MYO18B: variants seen among roughly 807,000 people sequenced by gnomAD.
The protein encoded by MYO18B is unconventional myosin-XVIIIb.
MYO18B carries 204 observed loss-of-function variants against 273.0 expected under a neutral mutation model. The ratio of observed to expected loss-of-function variants is 0.75; its 90% CI spans 0.67 to 0.84. MYO18B has a LOEUF of 0.84. Among genes scored for constraint, MYO18B ranks in the 40% least tolerant of loss-of-function variants. The probability of loss-of-function intolerance (pLI) is 0.00; values close to 1 mark genes in which losing one functional copy is unlikely to be tolerated. For synonymous variants in MYO18B, 1,330 were observed against 1,305.7 expected (o/e 1.02, Z -0.40); for missense variants, 3,212 against 3,287.6 (o/e 0.98, Z 0.56).
At chr22:25,944,012 G>C (rs576502340) in intron 34 of MYO18B, among the ~76,000 whole-genome samples, 1 of 151,964 alleles carries the variant, frequency 6.6e-6, no homozygotes, top group East Asian at 1.9e-4. Flanking sequence ...GTGAGCCACC[G>C]CAACCAGCCC....
intron 22 of MYO18B, among the ~76,000 whole-genome samples, chr22:25,869,275 C>G (rs2090978617): frequency 6.6e-6 from 1 of 151,842 alleles, no homozygotes; most frequent in Non-Finnish European, 1.5e-5. Flanking sequence ...ATGGTGAAAC[C>G]CCCATCTCTA....
intron 27 of MYO18B, among the ~76,000 whole-genome samples, chr22:25,893,692 G>T (rs1441234701): frequency 1.3e-5 from 2 of 151,998 alleles, no homozygotes; most frequent in African/African-American, 4.8e-5. Flanking sequence ...TCCGTTATTT[G>T]GTTAATGATG....
At chr22:25,869,418 C>G (rs976144199) in intron 22 of MYO18B, among the ~76,000 whole-genome samples, 1 of 133,136 alleles carries the variant, frequency 7.5e-6, no homozygotes, top group Non-Finnish European at 1.5e-5. Context: ...CCACTGTACT[C>G]CAGCCTGGGC....
chr22:26,053,922 G>T, the MYO18B span, among the ~76,000 whole-genome samples: 1 of 152,146 alleles, frequency 6.6e-6, no homozygotes, highest in Non-Finnish European at 1.5e-5. Context: ...AATCACACCA[G>T]CTGCAAAAGA....
At chr22:25,768,090 G>A in intron 3 of MYO18B, 25 bp from the exon 4 acceptor site, 1 of 1,553,584 alleles carries the variant, frequency 6.4e-7, no homozygotes, top group Non-Finnish European at 8.7e-7. Context: ...CAGCTATGTA[G>A]GCATGGTTGT....
At chr22:25,823,357 C>G in intron 12 of MYO18B, 148 bp from the exon 13 acceptor site, 2 of 794,382 alleles carry the variant, frequency 2.5e-6, no homozygotes, top group Non-Finnish European at 3.9e-6. Context: ...GCCTAGGGGC[C>G]CAGGCCTGGG....
At chr22:25,857,713 G>A in intron 21 of MYO18B, among the ~76,000 whole-genome samples, 1 of 152,198 alleles carries the variant, frequency 6.6e-6, no homozygotes, top group East Asian at 1.9e-4. Flanking sequence ...GAGTGCAGTG[G>A]TGCTATCTCG....
chr22:25,947,770 A>T lies in MYO18B; in HGVS notation c.5690A>T (p.Asp1897Val). The T allele has an allele frequency of 6.2e-7, 1 of 1,613,880 alleles. No individual in the cohort carries two copies. Among genetic ancestry groups the T allele is most frequent in the South Asian group, 1.1e-5 (1 of 91,066 alleles). Residue 1897 changes from aspartate to valine, a missense_variant, in exon 36 of 44, where the codon GAT becomes GTT. Asp to Val is a radical substitution (Grantham distance 152). Coordinates refer to ENST00000335473, the MANE Select transcript of MYO18B (RefSeq NM_032608.7). Reference protein sequence around the residue: ...FEKADLLKRIDEDQDDLNELM... With the variant: ...FEKADLLKRIVEDQDDLNELM... ...AAGGCGGACCTCCTGAAGCGCATCGATGAGGACCAGGATGACCTGAATGAG... is the reference window on the plus strand; with the variant it reads ...AAGGCGGACCTCCTGAAGCGCATCGTTGAGGACCAGGATGACCTGAATGAG...
intron 29 of MYO18B, chr22:25,901,466 T>C (rs938015534): frequency 2.0e-5 from 3 of 152,122 alleles, no homozygotes; most frequent in African/African-American, 7.2e-5. Flanking sequence ...TCTCACCCAG[T>C]GGTCATCACA....
intron 20 of MYO18B, among the ~76,000 whole-genome samples, chr22:25,850,044 G>A (rs1032930645): frequency 6.6e-6 from 1 of 152,146 alleles, no homozygotes; most frequent in African/African-American, 2.4e-5. Context: ...CCCTAAAGGA[G>A]GCTGGTAACC....
chr22:25,859,098 T>A (rs1455214357), intron 21 of MYO18B, among the ~76,000 whole-genome samples: 2 of 152,234 alleles, frequency 1.3e-5, no homozygotes, highest in Non-Finnish European at 2.9e-5. Context: ...ATAATAAATG[T>A]AATCAATTAT....
At chr22:26,045,961 G>A in the MYO18B span, among the ~76,000 whole-genome samples, 1 of 152,200 alleles carries the variant, frequency 6.6e-6, no homozygotes, top group Non-Finnish European at 1.5e-5. Context: ...GCTCTCAACT[G>A]ACAGGCATTT....
At chr22:25,755,835 A>T (rs1247799211) in intron 1 of MYO18B, among the ~76,000 whole-genome samples, 1 of 151,936 alleles carries the variant, frequency 6.6e-6, no homozygotes, top group East Asian at 1.9e-4. Flanking sequence ...GCCTCAGCAG[A>T]TGCAGGTGCA....
chr22:25,916,149 TC>T (rs2092258148), intron 33 of MYO18B, among the ~76,000 whole-genome samples: 1 of 152,188 alleles, frequency 6.6e-6, no homozygotes, highest in African/African-American at 2.4e-5. Flanking sequence ...CATGGTATTT[TC>T]TCGTTATTTA....
At chr22:25,858,847 G>T (rs1569119157) in intron 21 of MYO18B, among the ~76,000 whole-genome samples, 1 of 152,196 alleles carries the variant, frequency 6.6e-6, no homozygotes, top group Non-Finnish European at 1.5e-5. Context: ...AATCTTACTA[G>T]TTGTGAATTC....
At chr22:25,902,842 G>C (rs761044023) in intron 30 of MYO18B, 106 bp downstream of exon 30, 7 of 1,285,730 alleles carry the variant, frequency 5.4e-6, no homozygotes, top group Admixed American at 5.0e-5. Context: ...ACTTCACAAG[G>C]GTATCCTGGT....
chr22:25,999,658 C>A (rs1933750250), intron 40 of MYO18B, among the ~76,000 whole-genome samples: 1 of 149,768 alleles, frequency 6.7e-6, no homozygotes, highest in Non-Finnish European at 1.5e-5. Flanking sequence ...CCTTCTCCTC[C>A]TCCTCCTTCT....
chr22:25,828,815 G>A lies in MYO18B; in HGVS notation c.2826G>A (p.Met942Ile). ...ACCATCTCTCCATGGCCTCCATCAT[G>A]GTGGTGGACTCTCCAGGCTTCCAGA... is the stretch of plus-strand genomic sequence containing the variant. ...SSHHLSMASIMVVDSPGFQNP... is the reference protein window; with the variant it reads ...SSHHLSMASIIVVDSPGFQNP... Residue 942 changes from methionine (M) to isoleucine (I), a missense_variant, in exon 15 of 44, where the codon ATG (methionine) becomes ATA (isoleucine). Transcript: ENST00000335473. 1 of 1,613,874 alleles carries A rather than the reference G, an allele frequency of 6.2e-7. No individual in the cohort carries two copies. Among genetic ancestry groups the A allele is most frequent in the Non-Finnish European group, 8.5e-7 (1 of 1,179,880 alleles).
intron 4 of MYO18B, 117 bp downstream of exon 4, chr22:25,769,545 A>C: frequency 1.0e-6 from 1 of 963,456 alleles, no homozygotes; most frequent in Non-Finnish European, 1.5e-6. Context: ...TGGGCAGGGA[A>C]TTGGAGAGGG....
Sources: allele counts gnomAD v4.1 joint callset (sites outside exome capture counted in the v4.1 genomes callset), GRCh38; gene constraint gnomAD v4.1.1; transcripts MANE v1.5; gene names NCBI Gene and HGNC (gene_info 2026-07-23, HGNC 2026-07-21).